SLC66A1: variants seen among roughly 807,000 people sequenced by gnomAD.
SLC66A1 encodes the protein lysosomal amino acid transporter 1 homolog.
A neutral mutation model predicts 33.0 loss-of-function variants in SLC66A1; 23 were observed. The ratio of observed to expected loss-of-function variants is 0.70; its 90% CI spans 0.50 to 0.99. SLC66A1 has a LOEUF of 0.99. Ranked by LOEUF, SLC66A1 falls within the 50% of genes least tolerant of loss-of-function variation. SLC66A1 has a pLI of 0.00. For synonymous variants in SLC66A1, 164 were observed against 175.5 expected (o/e 0.93, Z 0.52); for missense variants, 335 against 383.6 (o/e 0.87, Z 1.06).
chr1:19,327,831 G>A (rs2093877525), intron 7 of SLC66A1: 1 of 349,518 alleles, frequency 2.9e-6, no homozygotes, highest in Non-Finnish European at 5.7e-6. Flanking sequence ...TGACAGAGTA[G>A]GAGAAGTCAG....
chr1:19,327,474 A>G (rs937017297), intron 7 of SLC66A1, 62 bp downstream of exon 7: 56 of 1,534,036 alleles, frequency 3.7e-5, no homozygotes, highest in Admixed American at 2.3e-4. Flanking sequence ...CTGCCTGCAC[A>G]CAGCGTCAGC....
In SLC66A1 at chr1:19,324,652, A is replaced by G. The variant is rs1322963182; in HGVS notation, c.184A>G (p.Lys62Glu). Residue 62 changes from lysine (K) to glutamate (E), a missense_variant, in exon 3 of 8, where the codon AAG (lysine) becomes GAG (glutamate). Coordinates refer to ENST00000375153, the MANE Select transcript of SLC66A1 (RefSeq NM_001040125.2). ...STFPQFIKAY[K>E]TGNMDQALSL... ...CCACAGCCAGTTCATCAAAGCCTAC[A>G]AGACGGGCAACATGGACCAGGCGCT... 8.1e-6 allele frequency: 13 copies of G among 1,614,160 alleles called. No individual in the cohort carries two copies. The highest frequency in any genetic ancestry group is 1.0e-5 in the Non-Finnish European group (12 of 1,179,994).
downstream of SLC66A1, among the ~76,000 whole-genome samples, chr1:19,332,875 C>G (rs188412531): frequency 8.5e-5 from 13 of 152,288 alleles, no homozygotes; most frequent in Non-Finnish European, 1.9e-4. Flanking sequence ...TTGCCCTTGT[C>G]CAGGAAGGGC....
downstream of SLC66A1, among the ~76,000 whole-genome samples, chr1:19,330,206 C>G (rs2093888672): frequency 1.3e-5 from 2 of 152,012 alleles, no homozygotes; most frequent in African/African-American, 4.8e-5. Flanking sequence ...CGCCAGCTCC[C>G]CACCTTGTTG....
chr1:19,325,423 CAG>C, intron 3 of SLC66A1, 70 bp from the exon 4 acceptor site: 2 of 1,089,660 alleles, frequency 1.8e-6, no homozygotes, highest in South Asian at 1.3e-5. Context: ...TGGGATATGA[CAG>C]AGGGCTGCCG....
chr1:19,333,066 G>C (rs527815987), downstream of SLC66A1, among the ~76,000 whole-genome samples: 19 of 152,232 alleles, frequency 1.2e-4, no homozygotes, highest in Non-Finnish European at 2.5e-4. The surrounding 1 kb of genome is among the most constrained non-coding windows in gnomAD (Gnocchi z 4.2). Flanking sequence ...CCGGGGATGG[G>C]ATGGGACAGA....
intron 7 of SLC66A1, 169 bp downstream of exon 7, chr1:19,327,581 C>T: frequency 1.2e-6 from 1 of 810,872 alleles, no homozygotes; most frequent in Middle Eastern, 2.3e-4. Context: ...TCGTGCACAC[C>T]TCCTGTGTGC....
chr1:19,328,536 C>T lies in SLC66A1; in HGVS notation c.805-36C>T, dbSNP rs1221807312. 6.3e-6 allele frequency: 10 copies of T among 1,594,278 alleles called. 1 individual carries two copies. Among genetic ancestry groups the T allele is most frequent in the Non-Finnish European group, 6.8e-6 (8 of 1,168,208 alleles). ...CCCCCAGGGGCAGGTCCAACCCAGT[C>T]TCTGCTCAGCTTGGCCTTAACGGCG... is the stretch of plus-strand genomic sequence containing the variant. On this transcript the variant is annotated intron_variant, in intron 7 of 7. Coordinates refer to ENST00000375153, the MANE Select transcript of SLC66A1 (RefSeq NM_001040125.2). This position sits in a 1 kb window ranked among gnomAD's most constrained non-coding sequence, Gnocchi z 4.7.
chr1:19,316,353 TTGTGTGTGTGTGTGTG>T lies in SLC66A1; in HGVS notation c.-78-1221_-78-1206del, dbSNP rs36226389. 8.7e-4 allele frequency among the ~76,000 whole-genome samples: 126 copies of T among 144,916 alleles called. 2 individuals carry two copies. The highest frequency in any genetic ancestry group is 2.4e-3 in the African/African-American group (92 of 38,864). Reference sequence around the variant, plus strand: ...TCTGTGTGGGGCAACTCTTTATGGTTTGTGTGTGTGTGTGTGTGTGTGTGTGTGTGTGTGTGTGTGT... The same window carrying T: ...TCTGTGTGGGGCAACTCTTTATGGTTTGTGTGTGTGTGTGTGTGTGTGTGT... On this transcript the variant is annotated intron_variant, in intron 1 of 7. Coordinates refer to ENST00000375153, the MANE Select transcript of SLC66A1 (RefSeq NM_001040125.2).
chr1:19,322,735 C>G (rs1236262963), intron 2 of SLC66A1, among the ~76,000 whole-genome samples: 1 of 152,144 alleles, frequency 6.6e-6, no homozygotes, highest in Non-Finnish European at 1.5e-5. Context: ...GAGACCAGAG[C>G]TGGGAGGAAG....
At chr1:19,320,189 T>C (rs1232024198) in intron 2 of SLC66A1, among the ~76,000 whole-genome samples, 2 of 151,506 alleles carry the variant, frequency 1.3e-5, no homozygotes, top group Non-Finnish European at 2.9e-5. Context: ...GTATGAGCCA[T>C]GGTGCCCGAC....
At chr1:19,325,637 G>GGC (rs749411856) in intron 4 of SLC66A1, 55 bp downstream of exon 4, 20 of 747,130 alleles carry the variant, frequency 2.7e-5, no homozygotes, top group Admixed American at 2.6e-4. Context: ...GGGGGCAGTT[G>GGC]TGGGGGGGGG....
At chr1:19,324,829 G>T in intron 3 of SLC66A1, 67 bp downstream of exon 3, 1 of 1,579,742 alleles carries the variant, frequency 6.3e-7, no homozygotes, top group Non-Finnish European at 8.6e-7. Context: ...GTTGCCTGAG[G>T]AGATGCCAGG....
At chr1:19,315,417 AGG>A (rs1263009309) in intron 1 of SLC66A1, among the ~76,000 whole-genome samples, 18 of 152,190 alleles carry the variant, frequency 1.2e-4, no homozygotes, top group African/African-American at 4.3e-4. Flanking sequence ...CCTTACCTTT[AGG>A]TCCAGGGTCT....
chr1:19,321,867 A>T (rs1558149508), intron 2 of SLC66A1, among the ~76,000 whole-genome samples: 1 of 152,094 alleles, frequency 6.6e-6, no homozygotes, highest in Non-Finnish European at 1.5e-5. Context: ...ACACATGTGG[A>T]TATCCACTTG....
intron 1 of SLC66A1, among the ~76,000 whole-genome samples, chr1:19,314,858 G>A (rs2093796627): frequency 6.6e-6 from 1 of 152,106 alleles, no homozygotes; most frequent in Non-Finnish European, 1.5e-5. Context: ...AATGCCTTTG[G>A]CCTTGCAAAC....
rs1164228723 is a variant in SLC66A1, at chr1:19,326,564, A to G, written c.559A>G (p.Ile187Val). 2 of 1,614,194 alleles carry G rather than the reference A, an allele frequency of 1.2e-6. No individual in the cohort carries two copies. Among genetic ancestry groups the G allele is most frequent in the Admixed American group, 3.3e-5 (2 of 60,030 alleles). ...FTRQEVIGFVIGSISSVLYLL... is the reference protein window; with the variant it reads ...FTRQEVIGFVVGSISSVLYLL... Reference sequence around the variant, plus strand: ...CCGGCAGGAAGTCATTGGCTTCGTCATCGGCTCCATCTCCAGCGTGTTGTA... The same window carrying G: ...CCGGCAGGAAGTCATTGGCTTCGTCGTCGGCTCCATCTCCAGCGTGTTGTA... The change falls in exon 6 of 8, where the codon ATC becomes GTC. Residue 187 changes from isoleucine (I) to valine (V), a missense_variant. Transcript: ENST00000375153.
chr1:19,324,778 G>A lies in SLC66A1; in HGVS notation c.294+16G>A, dbSNP rs2093854968. The A allele has an allele frequency of 1.2e-6, 2 of 1,613,492 alleles. No homozygotes were observed. Reference sequence around the variant, plus strand: ...GCCCCTGCAGGTGGGCCGGTACCCGGGCAAGGTGGCGCTACCCCTAACCCT... The same window carrying A: ...GCCCCTGCAGGTGGGCCGGTACCCGAGCAAGGTGGCGCTACCCCTAACCCT... On this transcript the variant is annotated intron_variant, in intron 3 of 7. Transcript: ENST00000375153.
chr1:19,321,239 T>A (rs912889030), intron 2 of SLC66A1, among the ~76,000 whole-genome samples: 1 of 140,312 alleles, frequency 7.1e-6, no homozygotes, highest in African/African-American at 2.9e-5. Flanking sequence ...AGTAGTGTGA[T>A]CACATAGCTC....
Sources: gnomAD v4.1 joint callset for allele counts (sites outside exome capture counted in the v4.1 genomes callset) on GRCh38, gnomAD v4.1.1 for gene constraint, Gnocchi (gnomAD v3.1) non-coding constraint, MANE v1.5 for transcripts, NCBI Gene and HGNC (gene_info 2026-07-23, HGNC 2026-07-21) for gene names.